The following CUL4B variants were observed in gnomAD, a reference collection of about 807,000 sequenced individuals.
CUL4B encodes cullin 4B, also known as cullin-4B.
CUL4B carries 1 observed loss-of-function variant against 69.2 expected under a neutral mutation model. The observed-to-expected ratio is 0.01, with a 90% CI of 0.01 to 0.07. The LOEUF (loss-of-function observed/expected upper bound fraction) is 0.07. Ranked by LOEUF, CUL4B falls within the 10% of genes least tolerant of loss-of-function variation. The probability of loss-of-function intolerance (pLI) is 1.00; values close to 1 mark genes in which losing one functional copy is unlikely to be tolerated. For missense variants in CUL4B, 328 were observed against 638.8 expected (o/e 0.51, Z 5.24); for synonymous variants, 237 against 223.2 (o/e 1.06, Z -0.55).
intron 19 of CUL4B, among the ~76,000 whole-genome samples, chrX:120,528,957 A>G (rs1477040421): frequency 8.9e-6 from 1 of 111,830 alleles, no homozygotes; most frequent in African/African-American, 3.2e-5. Context: ...TTGCTAATAG[A>G]AAGTTTTTCA....
At chrX:120,531,029 T>C (rs1376295729) in intron 18 of CUL4B, among the ~76,000 whole-genome samples, 5 of 111,609 alleles carry the variant, frequency 4.5e-5, no homozygotes, top group Non-Finnish European at 9.4e-5. Flanking sequence ...CTGTCCTACA[T>C]TAAAATTTTT....
At chrX:120,550,417 G>A (rs144519604) in intron 2 of CUL4B, among the ~76,000 whole-genome samples, 53 of 111,710 alleles carry the variant, frequency 4.7e-4, no homozygotes, top group Admixed American at 6.7e-4. Context: ...GTGTAATTAC[G>A]ATTGAGTGTG....
chrX:120,559,633 G>A, intron 1 of CUL4B: 1 of 286,962 alleles, frequency 3.5e-6, no homozygotes, highest in Non-Finnish European at 6.2e-6. Flanking sequence ...AATCTTATTT[G>A]AGCATAAAAA....
At chrX:120,552,116 T>C (rs1226727637) in intron 2 of CUL4B, among the ~76,000 whole-genome samples, 1 of 112,459 alleles carries the variant, frequency 8.9e-6, no homozygotes, top group Non-Finnish European at 1.9e-5. Flanking sequence ...TTTTTACATA[T>C]TATGCATTAC....
At chrX:120,548,493 A>G (rs1342895231) in intron 2 of CUL4B, among the ~76,000 whole-genome samples, 4 of 111,789 alleles carry the variant, frequency 3.6e-5, no homozygotes, top group African/African-American at 1.3e-4. Context: ...ATATAATACC[A>G]AGGAATTTTC....
chrX:120,534,620 T>G, intron 16 of CUL4B, 34 bp from the exon 17 acceptor site: 1 of 970,542 alleles, frequency 1.0e-6, no homozygotes, highest in Non-Finnish European at 1.5e-6. Flanking sequence ...AGTCATCACT[T>G]TTTTAAAAAC....
chrX:120,565,346 A>G (rs1925461566), upstream of CUL4B, among the ~76,000 whole-genome samples: 1 of 109,756 alleles, frequency 9.1e-6, no homozygotes, highest in Admixed American at 9.8e-5. Flanking sequence ...AATGCATTAA[A>G]AAAACACAAA....
upstream of CUL4B, among the ~76,000 whole-genome samples, chrX:120,562,562 A>G (rs1925366677): frequency 8.9e-6 from 1 of 112,094 alleles, no homozygotes; most frequent in Non-Finnish European, 1.9e-5. Context: ...ACATATATAC[A>G]AAGTGCTGTC....
At chrX:120,574,188 A>C (rs1925796050) in intron 2 of CUL4B, among the ~76,000 whole-genome samples, 1 of 98,248 alleles carries the variant, frequency 1.0e-5, no homozygotes, top group African/African-American at 3.8e-5. Context: ...ATAAGAATTT[A>C]CTCAAGCTTC....
At chrX:120,540,701 C>T in intron 10 of CUL4B, 139 bp from the exon 11 acceptor site, 1 of 495,685 alleles carries the variant, frequency 2.0e-6, no homozygotes, top group Non-Finnish European at 3.3e-6. Flanking sequence ...TGGAATCTTG[C>T]TATGTTGCCC....
rs1445049732 is a variant in CUL4B, at chrX:120,526,209, A to G, written c.*552T>C. On this transcript the variant is annotated 3_prime_UTR_variant, in exon 20 of 20. Coordinates refer to ENST00000371322, the MANE Select transcript of CUL4B (RefSeq NM_001079872.2). ...ATTTTTTTTAAAAAACATCCCTTTC[A>G]GTGTAACAGAACATCACCTAGTAAA... 1.8e-5 allele frequency: 2 copies of G among 112,446 alleles called. No homozygotes were observed. Among genetic ancestry groups the G allele is most frequent in the East Asian group, 5.6e-4 (2 of 3,576 alleles). 9.3% of individuals were successfully genotyped at this position (112,446 alleles called of 1,213,427 possible). A position where few individuals can be genotyped will look rare whatever the true frequency, so the allele number is the denominator to read the frequency against.
intron 2 of CUL4B, among the ~76,000 whole-genome samples, chrX:120,573,705 T>C (rs779001806): frequency 8.9e-6 from 1 of 112,732 alleles, no homozygotes; most frequent in South Asian, 3.6e-4. Context: ...AGGAGTGCTC[T>C]CTTGACCACC....
chrX:120,528,376 C>T (rs1923116531), intron 19 of CUL4B, among the ~76,000 whole-genome samples: 1 of 103,953 alleles, frequency 9.6e-6, no homozygotes, highest in South Asian at 4.5e-4. Context: ...CACTGCACTC[C>T]AACCTGGGTG....
chrX:120,566,345 G>GTATATATATATATATATATATATA (rs537274243), upstream of CUL4B, among the ~76,000 whole-genome samples: 6 of 40,977 alleles, frequency 1.5e-4, no homozygotes, highest in Admixed American at 3.6e-4. Context: ...GTGTGTATAG[G>GTATATATATATATATATATATATA]TATATATATA....
chrX:120,527,101 C>T (rs1340344623), intron 19 of CUL4B, among the ~76,000 whole-genome samples: 2 of 108,655 alleles, frequency 1.8e-5, no homozygotes, highest in Non-Finnish European at 3.8e-5. Context: ...GCTCTGTCAC[C>T]CAGGCTGGAC....
chrX:120,560,797 C>T lies in CUL4B; in HGVS notation c.-159G>A. 1 of 890,818 alleles carries T rather than the reference C, an allele frequency of 1.1e-6. No homozygotes were observed. The highest frequency in any genetic ancestry group is 2.7e-5 in the African/African-American group (1 of 37,127). 73.4% of individuals were successfully genotyped at this position (890,818 alleles called of 1,213,427 possible). On this transcript the variant is annotated 5_prime_UTR_variant, in exon 1 of 20. Transcript: ENST00000371322. ...AGGAAAGTGAAGGGGGGGGCTACAC[C>T]GGGGGAATGGGAGGGTTTGGGAAGG... is the stretch of plus-strand genomic sequence containing the variant.
chrX:120,536,852 A>G lies in CUL4B; in HGVS notation c.2046+75T>C, dbSNP rs140908460. The G allele has an allele frequency of 4.1e-4, 308 of 759,812 alleles. 2 individuals are homozygous for G. In the African/African-American group the frequency reaches 5.2e-3, roughly 13 times the overall value. The allele number at this position is 759,812 out of a possible 1,213,427, so 62.6% of individuals were successfully genotyped here. On this transcript the variant is annotated intron_variant, in intron 15 of 19. Transcript: ENST00000371322. ...GGTCTCTATTTTTTTCTAAGTATCT[A>G]TTTTTAAATGACAAGCAAAATGGAA...
upstream of CUL4B, chrX:120,561,418 C>T (rs777700759): frequency 1.3e-5 from 7 of 553,927 alleles, no homozygotes; most frequent in East Asian, 2.3e-4. Flanking sequence ...GATCCCGAAG[C>T]CCCCAGGTCC....
chrX:120,538,578 G>A (rs1923804350), intron 13 of CUL4B, 82 bp downstream of exon 13: 1 of 672,003 alleles, frequency 1.5e-6, no homozygotes, highest in East Asian at 3.2e-5. Flanking sequence ...AGTGACAAAA[G>A]AGGAAATCGA....
Sources: allele counts gnomAD v4.1 joint callset (sites outside exome capture counted in the v4.1 genomes callset), GRCh38; gene constraint gnomAD v4.1.1; transcripts MANE v1.5; gene names NCBI Gene and HGNC (gene_info 2026-07-23, HGNC 2026-07-21).